Variants in VRK2 observed in about 807,000 individuals in gnomAD.
The protein encoded by VRK2 is VRK serine/threonine kinase 2, also known as serine/threonine-protein kinase VRK2.
Under a neutral mutation model 57.6 loss-of-function variants are expected in VRK2, and 60 were observed. The observed-to-expected ratio is 1.04, with a 90% confidence interval of 0.85 to 1.29. The LOEUF (loss-of-function observed/expected upper bound fraction) is 1.29. Ranked by LOEUF, VRK2 falls within the 50% of genes most tolerant of loss-of-function variation. The probability of loss-of-function intolerance (pLI) is 0.00; values close to 1 mark genes in which losing one functional copy is unlikely to be tolerated. For missense variants in VRK2, 705 were observed against 588.1 expected, an observed-to-expected ratio of 1.20 and a Z score of -2.06; for synonymous variants, 231 against 199.2, an observed-to-expected ratio of 1.16 and a Z score of -1.35.
chr2:58,121,789 A>T (rs527279957), intron 7 of VRK2, among the ~76,000 whole-genome samples: 1 of 152,308 alleles, frequency 6.6e-6, no homozygotes, highest in East Asian at 1.9e-4. Flanking sequence ...TTTTAAAGAA[A>T]TGTGTATGAA....
chr2:58,074,399 T>C (rs1669794013), intron 2 of VRK2, among the ~76,000 whole-genome samples: 1 of 152,168 alleles, frequency 6.6e-6, no homozygotes, highest in Admixed American at 6.6e-5. Flanking sequence ...TCTCTGTTTT[T>C]AATTGAGCAT....
chr2:58,049,354 T>G lies in VRK2; in HGVS notation c.136+387T>G, dbSNP rs1253153786. 2.6e-5 allele frequency among the ~76,000 whole-genome samples: 4 copies of G among 152,032 alleles called. No homozygotes were observed. The East Asian group carries it at 7.7e-4, about 29-fold the overall frequency. ...AATCAATATTTAGGCAATACAAGAGTCTAGTCATTTCTTAATTGGGCTCTA... is the reference window on the plus strand; with the variant it reads ...AATCAATATTTAGGCAATACAAGAGGCTAGTCATTTCTTAATTGGGCTCTA... On this transcript the variant is annotated intron_variant, in intron 2 of 12. Coordinates refer to ENST00000340157, the MANE Select transcript of VRK2 (RefSeq NM_006296.7).
rs532136058 is a variant in VRK2, at chr2:58,016,931, T to A, written c.-438-8734T>A. Among the ~76,000 whole-genome samples, 150 of 152,228 alleles carry A rather than the reference T, an allele frequency of 9.9e-4. 1 individual carries two copies. Among genetic ancestry groups the A allele is most frequent in the African/African-American group, 3.5e-3 (147 of 41,532 alleles). On this transcript the variant is annotated intron_variant, in intron 1 of 15. Transcript: ENST00000417641. ...TTTCTGTTTGCTCAACTTTACGGAG[T>A]CTGACATTTTGTTTAGGGGAGTTGA...
At chr2:58,002,137 C>G (rs1420417867) in intron 1 of VRK2, among the ~76,000 whole-genome samples, 2 of 152,012 alleles carry the variant, frequency 1.3e-5, no homozygotes, top group African/African-American at 4.8e-5. Context: ...AATATCTGCT[C>G]TTTGTTGTAT....
chr2:57,980,284 A>T (rs1195718703), intron 1 of VRK2, among the ~76,000 whole-genome samples: 1 of 152,076 alleles, frequency 6.6e-6, no homozygotes, highest in South Asian at 2.1e-4. Context: ...CCCTAATTTC[A>T]TTCTTTACCC....
intron 1 of VRK2, chr2:57,907,980 A>T (rs1572846100): frequency 6.6e-6 from 1 of 152,218 alleles, no homozygotes; most frequent in South Asian, 2.1e-4. Context: ...CATTTCATCA[A>T]TACAGGCTCT....
chr2:58,123,964 C>G (rs943344509), intron 8 of VRK2, among the ~76,000 whole-genome samples: 7 of 152,124 alleles, frequency 4.6e-5, no homozygotes, highest in Non-Finnish European at 7.4e-5. Flanking sequence ...TTTTCTGAAA[C>G]CATAAAGTGT....
At chr2:57,908,967 T>A (rs547735765) in intron 1 of VRK2, among the ~76,000 whole-genome samples, 1 of 152,320 alleles carries the variant, frequency 6.6e-6, no homozygotes, top group South Asian at 2.1e-4. Flanking sequence ...AGAAAATTAT[T>A]AATATAATTA....
At chr2:57,936,555 A>G (rs1178171049) in intron 1 of VRK2, among the ~76,000 whole-genome samples, 1 of 142,572 alleles carries the variant, frequency 7.0e-6, no homozygotes, top group African/African-American at 2.7e-5. Flanking sequence ...GAGATAGAGT[A>G]TCACTCTGTC....
At chr2:57,908,898 G>GCCTA (rs1167994503) in intron 1 of VRK2, among the ~76,000 whole-genome samples, 2 of 152,102 alleles carry the variant, frequency 1.3e-5, no homozygotes, top group Non-Finnish European at 2.9e-5. Flanking sequence ...TCTTGTAAAT[G>GCCTA]CCTATATTAG....
intron 1 of VRK2, among the ~76,000 whole-genome samples, chr2:58,014,358 A>T (rs59378271): frequency 0.1 from 15,822 of 152,204 alleles, 1,010 homozygotes; most frequent in African/African-American, 0.16. Context: ...TATCTGGCTA[A>T]TTTCTTATTA....
At chr2:58,080,069 A>G (rs1246220887) in intron 2 of VRK2, among the ~76,000 whole-genome samples, 2 of 151,984 alleles carry the variant, frequency 1.3e-5, no homozygotes, top group Non-Finnish European at 1.5e-5. Flanking sequence ...GGTGCTTGGA[A>G]CACATCTGAA....
intron 1 of VRK2, among the ~76,000 whole-genome samples, chr2:57,965,236 C>T (rs1671880361): frequency 6.6e-6 from 1 of 152,166 alleles, no homozygotes; most frequent in Non-Finnish European, 1.5e-5. Flanking sequence ...GCCGGAAGAC[C>T]TCCACAGCTA....
chr2:58,046,510 T>C, upstream of VRK2: 3 of 985,500 alleles, frequency 3.0e-6, no homozygotes, highest in Non-Finnish European at 3.6e-6. Flanking sequence ...ATGCATGTCG[T>C]GCTTATTTCG....
intron 2 of VRK2, among the ~76,000 whole-genome samples, chr2:58,059,678 T>C (rs892174842): frequency 2.0e-5 from 3 of 151,828 alleles, no homozygotes; most frequent in Non-Finnish European, 4.4e-5. Context: ...CAAGATATTA[T>C]ACAGTAGTAA....
intron 1 of VRK2, among the ~76,000 whole-genome samples, chr2:57,953,991 C>T (rs1671506459): frequency 1.3e-5 from 2 of 152,254 alleles, no homozygotes; most frequent in East Asian, 3.9e-4. Context: ...ATGTTATATT[C>T]TCCTATGCCT....
At chr2:58,049,086 G>T in intron 2 of VRK2, 119 bp downstream of exon 2, 5 of 1,234,920 alleles carry the variant, frequency 4.0e-6, no homozygotes, top group Non-Finnish European at 5.5e-6. Context: ...TAAAATTCAT[G>T]ATTGTACTCG....
chr2:58,081,888 G>GTGTT (rs1172952686), intron 2 of VRK2, among the ~76,000 whole-genome samples: 3 of 151,208 alleles, frequency 2.0e-5, no homozygotes, highest in Non-Finnish European at 4.4e-5. Flanking sequence ...GTGTGTGTGT[G>GTGTT]TGTGTGTGTG....
intron 7 of VRK2, among the ~76,000 whole-genome samples, chr2:58,109,816 T>A (rs1008522775): frequency 6.6e-6 from 1 of 152,202 alleles, no homozygotes; most frequent in Admixed American, 6.5e-5. Flanking sequence ...CATTCTCTTA[T>A]AACTCACCAG....
Sources: allele counts gnomAD v4.1 joint callset (sites outside exome capture counted in the v4.1 genomes callset), GRCh38; gene constraint gnomAD v4.1.1; transcripts MANE v1.5; gene names NCBI Gene and HGNC (gene_info 2026-07-23, HGNC 2026-07-21).